WDFY3: variants seen among roughly 807,000 people sequenced by gnomAD.
The protein encoded by WDFY3 is WD repeat and FYVE domain containing 3.
A neutral mutation model predicts 409.6 loss-of-function variants in WDFY3; 66 were observed. That is an observed-to-expected ratio of 0.16 (90% CI 0.13 to 0.20). The LOEUF (loss-of-function observed/expected upper bound fraction) is 0.20, where lower values mean the gene tolerates loss of function less well. WDFY3 is among the 10% of genes least tolerant of loss of function. The pLI, the probability that WDFY3 is intolerant of heterozygous loss-of-function variation, is 1.00. For missense variants in WDFY3, 3,031 were observed against 4,298.1 expected (o/e 0.71, Z 8.24); for synonymous variants, 1,521 against 1,537.1 (o/e 0.99, Z 0.25).
chr4:84,827,571 T>A (rs551673430), intron 9 of WDFY3, among the ~76,000 whole-genome samples: 1 of 152,142 alleles, frequency 6.6e-6, no homozygotes, highest in Non-Finnish European at 1.5e-5. Flanking sequence ...TCTACAAGAT[T>A]TGGATTATAT....
chr4:84,698,504 C>T (rs1231002121), intron 56 of WDFY3, among the ~76,000 whole-genome samples: 1 of 152,018 alleles, frequency 6.6e-6, no homozygotes, highest in East Asian at 1.9e-4. Flanking sequence ...AACTCCTGGC[C>T]TCAAGTGATG....
At chr4:84,673,250 A>AT (rs1375055341) in intron 67 of WDFY3, among the ~76,000 whole-genome samples, 1 of 152,120 alleles carries the variant, frequency 6.6e-6, no homozygotes, top group Admixed American at 6.5e-5. Flanking sequence ...CAGAGTTAAG[A>AT]TTTTCCTATA....
chr4:84,718,668 T>C, intron 47 of WDFY3, 98 bp from the exon 48 acceptor site: 1 of 1,396,170 alleles, frequency 7.2e-7, no homozygotes, highest in African/African-American at 1.4e-5. Flanking sequence ...GCATATTAAA[T>C]CAGAGTTTAA....
At chr4:84,883,364 T>C (rs1002442527) in intron 3 of WDFY3, among the ~76,000 whole-genome samples, 13 of 152,206 alleles carry the variant, frequency 8.5e-5, no homozygotes, top group African/African-American at 2.9e-4. Flanking sequence ...GCTTCTCTAA[T>C]TTCTGGGGAA....
intron 54 of WDFY3, among the ~76,000 whole-genome samples, 178 bp downstream of exon 54, chr4:84,705,216 G>A (rs906200305): frequency 1.3e-5 from 2 of 152,152 alleles, no homozygotes; most frequent in African/African-American, 2.4e-5. Flanking sequence ...ATGGCCATAA[G>A]TTGGCATGCA....
chr4:84,880,170 G>T (rs1763295963), intron 3 of WDFY3, among the ~76,000 whole-genome samples: 1 of 152,162 alleles, frequency 6.6e-6, no homozygotes, highest in Non-Finnish European at 1.5e-5. Context: ...ATGGACATCA[G>T]CCAGGAATGA....
At position 84,693,170 on chromosome 4, in the gene WDFY3, G is replaced by A. The variant is rs574952049; in HGVS notation, c.8902-138C>T. The A allele has an allele frequency of 1.1e-4, 102 of 914,264 alleles. 1 individual carries two copies. In the East Asian group the frequency reaches 2.6e-3, roughly 23 times the overall value. The allele number at this position is 914,264 out of a possible 1,614,324, so 56.6% of individuals were successfully genotyped here. On this transcript the variant is annotated intron_variant, in intron 58 of 67. Coordinates refer to ENST00000295888, the MANE Select transcript of WDFY3 (RefSeq NM_014991.6). Reference sequence around the variant, plus strand: ...ACTATATTATCCTCATTTTACACCCGAGGAAAGAGATTCAAAGACGCTATG... The same window carrying A: ...ACTATATTATCCTCATTTTACACCCAAGGAAAGAGATTCAAAGACGCTATG...
chr4:84,704,118 T>C (rs985742514), intron 55 of WDFY3, among the ~76,000 whole-genome samples: 3 of 152,214 alleles, frequency 2.0e-5, no homozygotes, highest in Non-Finnish European at 4.4e-5. Flanking sequence ...ATGCTACTTA[T>C]GTATTTGATT....
intron 13 of WDFY3, among the ~76,000 whole-genome samples, chr4:84,816,684 A>G (rs904069494): frequency 5.9e-5 from 9 of 152,162 alleles, no homozygotes; most frequent in African/African-American, 2.2e-4. Context: ...ACATTCGATT[A>G]TAGTTTGATT....
rs140612734 is a variant in WDFY3, at chr4:84,823,695, T to G, written c.1124-2144A>C. Among the ~76,000 whole-genome samples, 884 of 152,218 alleles carry G rather than the reference T, an allele frequency of 5.8e-3. 10 individuals are homozygous for G. The highest frequency in any genetic ancestry group is 0.02 in the African/African-American group (834 of 41,556). ...AATGCAAAACTTCATTAGTCAATTA[T>G]AAAAATGAAAATTAAAATAACAATT... is the stretch of plus-strand genomic sequence containing the variant. On this transcript the variant is annotated intron_variant, in intron 10 of 67. Coordinates refer to ENST00000295888, the MANE Select transcript of WDFY3 (RefSeq NM_014991.6).
chr4:84,828,560 A>G (rs773427163), intron 9 of WDFY3, among the ~76,000 whole-genome samples: 1 of 152,146 alleles, frequency 6.6e-6, no homozygotes, highest in Non-Finnish European at 1.5e-5. Flanking sequence ...GCATTTGGCA[A>G]TTTAACTCTA....
chr4:84,715,532 T>G (rs1238549556), intron 49 of WDFY3, 149 bp from the exon 50 acceptor site: 5 of 478,496 alleles, frequency 1.0e-5, no homozygotes, highest in Non-Finnish European at 1.5e-5. Flanking sequence ...CCCAGCACTT[T>G]GGGAGGCCAA....
intron 56 of WDFY3, among the ~76,000 whole-genome samples, chr4:84,699,342 T>C (rs1479683072): frequency 6.6e-6 from 1 of 152,188 alleles, no homozygotes; most frequent in Non-Finnish European, 1.5e-5. Flanking sequence ...TTCTTTCACT[T>C]TGCGTAATGT....
intron 49 of WDFY3, among the ~76,000 whole-genome samples, chr4:84,716,203 C>T (rs1300719132): frequency 7.3e-5 from 11 of 151,672 alleles, no homozygotes; most frequent in East Asian, 1.9e-4. Context: ...TTTGGGAGGC[C>T]GAGGCAGGCG....
At chr4:84,724,622 C>T (rs201927939) in intron 45 of WDFY3, 28 bp from the exon 46 acceptor site, 26 of 1,600,444 alleles carry the variant, frequency 1.6e-5, no homozygotes, top group Admixed American at 5.2e-5. Context: ...AAAATGACTC[C>T]GATAACTATC....
chr4:84,850,695 G>T (rs1758791280), intron 4 of WDFY3, among the ~76,000 whole-genome samples: 1 of 151,998 alleles, frequency 6.6e-6, no homozygotes, highest in African/African-American at 2.4e-5. Flanking sequence ...AGGCACACTG[G>T]ATGGTGAAAA....
intron 1 of WDFY3, among the ~76,000 whole-genome samples, chr4:84,956,644 G>A (rs941967824): frequency 2.0e-5 from 3 of 151,888 alleles, no homozygotes; most frequent in Non-Finnish European, 2.9e-5. Flanking sequence ...AATCCACTGG[G>A]GCTTCACATG....
At chr4:84,861,979 GCAACAC>G (rs985659300) in intron 3 of WDFY3, among the ~76,000 whole-genome samples, 1 of 152,176 alleles carries the variant, frequency 6.6e-6, no homozygotes, top group Non-Finnish European at 1.5e-5. Context: ...AGAAAAGCAG[GCAACAC>G]CTGAGATTAA....
chr4:84,895,173 T>C (rs1765470530), intron 3 of WDFY3, among the ~76,000 whole-genome samples: 1 of 152,172 alleles, frequency 6.6e-6, no homozygotes, highest in Non-Finnish European at 1.5e-5. Context: ...ATTCATTTAA[T>C]AACACTTGTT....
Sources: allele counts gnomAD v4.1 joint callset (sites outside exome capture counted in the v4.1 genomes callset), GRCh38; gene constraint gnomAD v4.1.1; transcripts MANE v1.5; gene names NCBI Gene and HGNC (gene_info 2026-07-23, HGNC 2026-07-21).